Variants in ANAPC10 observed in about 807,000 individuals in gnomAD.
ANAPC10 encodes anaphase promoting complex subunit 10.
Under a neutral mutation model 22.0 loss-of-function variants are expected in ANAPC10, and 12 were observed. That is an observed-to-expected ratio of 0.55 (90% CI 0.35 to 0.88). The LOEUF is 0.88. Among genes scored for constraint, ANAPC10 ranks in the 40% least tolerant of loss-of-function variants. The probability of loss-of-function intolerance (pLI) is 0.01; values close to 1 mark genes in which losing one functional copy is unlikely to be tolerated. For synonymous variants in ANAPC10, 65 were observed against 69.5 expected (o/e 0.94, Z 0.32); for missense variants, 188 against 220.9 (o/e 0.85, Z 0.94).
intron 3 of ANAPC10, among the ~76,000 whole-genome samples, chr4:145,067,118 A>G (rs1743821428): frequency 6.6e-6 from 1 of 152,240 alleles, no homozygotes; most frequent in Non-Finnish European, 1.5e-5. Flanking sequence ...TAAAAGGTAG[A>G]GTAAAAAATT....
Position 145,054,090 on chromosome 4 carries a change from G to A in ANAPC10, c.327+10482C>T, listed in dbSNP as rs530561141. Among the ~76,000 whole-genome samples the A allele has an allele frequency of 4.0e-5, 6 of 151,566 alleles. No individual in the cohort carries two copies. The East Asian group carries it at 1.2e-3, about 30-fold the overall frequency. On this transcript the variant is annotated intron_variant, in intron 4 of 4. Transcript: ENST00000507656. Reference sequence around the variant, plus strand: ...TTCCCAGCTAATTTTTCTAATTTTAGTAGAGATGGGGTTTCACCATGTTGG... The same window carrying A: ...TTCCCAGCTAATTTTTCTAATTTTAATAGAGATGGGGTTTCACCATGTTGG...
chr4:145,003,707 T>C (rs1732919938), intron 4 of ANAPC10, among the ~76,000 whole-genome samples: 2 of 152,216 alleles, frequency 1.3e-5, no homozygotes, highest in South Asian at 4.1e-4. Context: ...TATGTGTCTG[T>C]TTTTGTATCA....
At chr4:145,077,438 A>C (rs1341647245) in intron 3 of ANAPC10, among the ~76,000 whole-genome samples, 2 of 152,102 alleles carry the variant, frequency 1.3e-5, no homozygotes, top group Non-Finnish European at 2.9e-5. Context: ...AGAGAACCCC[A>C]GAGTATATGA....
At chr4:145,014,389 T>C (rs1734793401) in intron 4 of ANAPC10, among the ~76,000 whole-genome samples, 1 of 151,958 alleles carries the variant, frequency 6.6e-6, no homozygotes, top group Non-Finnish European at 1.5e-5. Context: ...ACAACTCCAT[T>C]GACCTGGGAA....
chr4:145,051,332 T>C (rs1354706939), intron 4 of ANAPC10, among the ~76,000 whole-genome samples: 1 of 152,078 alleles, frequency 6.6e-6, no homozygotes, highest in Non-Finnish European at 1.5e-5. Flanking sequence ...GTTCATGGCG[T>C]CCCAAAACAA....
rs559922152 is a variant in ANAPC10 at position 145,035,967 on chromosome 4, A to C, written c.327+28605T>G. Among the ~76,000 whole-genome samples, 46 of 152,328 alleles carry C rather than the reference A, an allele frequency of 3.0e-4. No individual in the cohort carries two copies. In the East Asian group the frequency reaches 8.5e-3, roughly 28 times the overall value. On this transcript the variant is annotated intron_variant, in intron 4 of 4. Coordinates refer to ENST00000507656, the MANE Select transcript of ANAPC10 (RefSeq NM_001256706.2). Reference sequence around the variant, plus strand: ...GTTACCCAGAAAAAATGTGGAACTGAGAGTTACGTATTGCTGTTTCAAGAA... The same window carrying C: ...GTTACCCAGAAAAAATGTGGAACTGCGAGTTACGTATTGCTGTTTCAAGAA...
chr4:145,078,087 T>C (rs1745442769), intron 3 of ANAPC10, among the ~76,000 whole-genome samples: 1 of 152,188 alleles, frequency 6.6e-6, no homozygotes, highest in Non-Finnish European at 1.5e-5. Flanking sequence ...AAACTATCTT[T>C]GTTTGCAGAC....
intron 4 of ANAPC10, among the ~76,000 whole-genome samples, chr4:145,054,620 TGTG>T (rs1359356695): frequency 7.9e-6 from 1 of 126,282 alleles, no homozygotes; most frequent in Non-Finnish European, 1.7e-5. Flanking sequence ...TGTGTGTGTG[TGTG>T]TGTGTGTGTG....
intron 4 of ANAPC10, 56 bp from the exon 5 acceptor site, chr4:144,995,659 C>T (rs1263703380): frequency 1.8e-6 from 2 of 1,112,856 alleles, no homozygotes; most frequent in East Asian, 5.0e-5. Context: ...TAATTTATAA[C>T]AATGAATGCA....
chr4:145,070,123 T>C (rs1184151843), intron 3 of ANAPC10, among the ~76,000 whole-genome samples: 3 of 152,212 alleles, frequency 2.0e-5, no homozygotes, highest in Non-Finnish European at 4.4e-5. Flanking sequence ...CTAAAAAGTT[T>C]AAGAACTTCT....
intron 4 of ANAPC10, among the ~76,000 whole-genome samples, chr4:145,032,111 T>C (rs1043951518): frequency 6.6e-6 from 1 of 152,152 alleles, no homozygotes; most frequent in African/African-American, 2.4e-5. Context: ...GAGTTTCCTA[T>C]GATCAACTGG....
At chr4:145,052,837 G>A (rs534296246) in intron 4 of ANAPC10, among the ~76,000 whole-genome samples, 5 of 148,744 alleles carry the variant, frequency 3.4e-5, no homozygotes, top group South Asian at 2.1e-4. Context: ...GCAGTGAGCC[G>A]AGATTGCACC....
chr4:145,086,768 C>T (rs1432692787), intron 2 of ANAPC10, among the ~76,000 whole-genome samples: 2 of 151,824 alleles, frequency 1.3e-5, no homozygotes, highest in African/African-American at 4.8e-5. Flanking sequence ...CCCCAACTCC[C>T]CCCACCCTCA....
intron 2 of ANAPC10, among the ~76,000 whole-genome samples, chr4:145,088,101 GT>G (rs1350060221): frequency 2.0e-5 from 3 of 152,096 alleles, no homozygotes; most frequent in African/African-American, 7.2e-5. Flanking sequence ...TGAAACACTT[GT>G]TTCCTCTTGA....
chr4:145,085,760 A>G (rs532848783), intron 2 of ANAPC10, among the ~76,000 whole-genome samples: 1 of 152,258 alleles, frequency 6.6e-6, no homozygotes, highest in South Asian at 2.1e-4. Flanking sequence ...TGCTTCTTCA[A>G]TATGCCTTAC....
chr4:145,067,428 T>C (rs1485204053), intron 3 of ANAPC10, among the ~76,000 whole-genome samples: 1 of 152,058 alleles, frequency 6.6e-6, no homozygotes, highest in African/African-American at 2.4e-5. Flanking sequence ...CTGGACACTC[T>C]CTATCCCCTC....
chr4:144,995,116 C>G lies in ANAPC10; in HGVS notation c.*257G>C. On this transcript the variant is annotated 3_prime_UTR_variant, in exon 5 of 5. Coordinates refer to ENST00000507656, the MANE Select transcript of ANAPC10 (RefSeq NM_001256706.2). Reference sequence around the variant, plus strand: ...TTCTTTTGATACAAGGAACTCTTTTCTTTTGATACAAGGGAAAATAAAATG... The same window carrying G: ...TTCTTTTGATACAAGGAACTCTTTTGTTTTGATACAAGGGAAAATAAAATG... 1 of 250,620 alleles carries G rather than the reference C, an allele frequency of 4.0e-6. No individual in the cohort carries two copies. The highest frequency in any genetic ancestry group is 5.0e-5 in the Admixed American group (1 of 20,180). 15.5% of individuals were successfully genotyped at this position (250,620 alleles called of 1,614,324 possible).
chr4:145,052,297 C>G (rs941366011), intron 4 of ANAPC10, among the ~76,000 whole-genome samples: 1 of 151,936 alleles, frequency 6.6e-6, no homozygotes, highest in African/African-American at 2.4e-5. Context: ...GAGGTATTAC[C>G]TATGTTAATT....
At chr4:145,067,086 C>T (rs2126489202) in intron 3 of ANAPC10, among the ~76,000 whole-genome samples, 1 of 152,194 alleles carries the variant, frequency 6.6e-6, no homozygotes, top group Admixed American at 6.5e-5. Context: ...AAACTGTGAC[C>T]TCACCAAAAG....
Sources: allele counts gnomAD v4.1 joint callset (sites outside exome capture counted in the v4.1 genomes callset), GRCh38; gene constraint gnomAD v4.1.1; transcripts MANE v1.5; gene names NCBI Gene and HGNC (gene_info 2026-07-23, HGNC 2026-07-21).